The following ANKRD33B variants were observed in gnomAD, a reference collection of about 807,000 sequenced individuals.
The protein encoded by ANKRD33B is ankyrin repeat domain-containing protein 33B.
ANKRD33B carries 6 observed loss-of-function variants against 21.5 expected under a neutral mutation model. The observed-to-expected ratio is 0.28, with a 90% CI of 0.15 to 0.55. The LOEUF is 0.55. Ranked by LOEUF, ANKRD33B falls within the 20% of genes least tolerant of loss-of-function variation. The probability of loss-of-function intolerance (pLI) is 0.94; values close to 1 mark genes in which losing one functional copy is unlikely to be tolerated. For missense variants in ANKRD33B, 698 were observed against 747.2 expected, an observed-to-expected ratio of 0.93 and a Z score of 0.77; for synonymous variants, 347 against 342.4, an observed-to-expected ratio of 1.01 and a Z score of -0.15.
chr5:10,616,086 A>G (rs959479905), intron 1 of ANKRD33B, among the ~76,000 whole-genome samples: 1 of 152,232 alleles, frequency 6.6e-6, no homozygotes, highest in Non-Finnish European at 1.5e-5. Flanking sequence ...TACCATAGTC[A>G]ACAGTTATTG....
chr5:10,599,655 G>A (rs1337261436), intron 1 of ANKRD33B, among the ~76,000 whole-genome samples: 1 of 152,134 alleles, frequency 6.6e-6, no homozygotes, highest in African/African-American at 2.4e-5. Context: ...ATTATAAAAT[G>A]TATCAGAATT....
intron 1 of ANKRD33B, among the ~76,000 whole-genome samples, chr5:10,600,577 G>A (rs915160655): frequency 5.3e-5 from 8 of 152,184 alleles, no homozygotes; most frequent in African/African-American, 9.7e-5. Flanking sequence ...ATGAATATTT[G>A]GGTTGTTTGC....
In ANKRD33B at chr5:10,599,014, TATAGAGC is replaced by T. The variant is rs1422602471; in HGVS notation, c.367-19316_367-19310del. Among the ~76,000 whole-genome samples, 4 of 152,218 alleles carry T rather than the reference TATAGAGC, an allele frequency of 2.6e-5. No homozygotes were observed. In the East Asian group the frequency reaches 7.7e-4, roughly 29 times the overall value. ...TGTGCAGTCATCCCCCTACTCAAGATATAGAGCATTTCCATCACCATAGTAAGTTTCC... is the reference window on the plus strand; with the variant it reads ...TGTGCAGTCATCCCCCTACTCAAGATATTTCCATCACCATAGTAAGTTTCC... On this transcript the variant is annotated intron_variant, in intron 1 of 3. Transcript: ENST00000296657.
At chr5:10,626,091 G>A (rs558014014) in intron 2 of ANKRD33B, among the ~76,000 whole-genome samples, 6 of 152,306 alleles carry the variant, frequency 3.9e-5, no homozygotes, top group East Asian at 3.9e-4. Flanking sequence ...AGGCAGCCTC[G>A]GCCTAGAACC....
In ANKRD33B at chr5:10,646,693, A is replaced by G. The variant is rs117068841; in HGVS notation, c.638-2573A>G. On this transcript the variant is annotated intron_variant, in intron 3 of 3. Coordinates refer to ENST00000296657, the MANE Select transcript of ANKRD33B (RefSeq NM_001164440.2). The stretch of plus-strand genomic sequence containing the variant: ...TTTAATGTGTCATCTATTTTTTGCA[A>G]TGACACTTTTACTGCCCCCTTTTCA... Among the ~76,000 whole-genome samples, 86 of 152,328 alleles carry G rather than the reference A, an allele frequency of 5.6e-4. No individual in the cohort carries two copies. The East Asian group carries it at 0.013, about 23-fold the overall frequency.
chr5:10,581,504 C>T (rs1332306807), intron 1 of ANKRD33B, among the ~76,000 whole-genome samples: 1 of 152,176 alleles, frequency 6.6e-6, no homozygotes, highest in African/African-American at 2.4e-5. Context: ...TTTTTGGTCT[C>T]CCCTGGATGG....
At chr5:10,602,024 A>G (rs1327253731) in intron 1 of ANKRD33B, among the ~76,000 whole-genome samples, 1 of 152,270 alleles carries the variant, frequency 6.6e-6, no homozygotes, top group African/African-American at 2.4e-5. Flanking sequence ...GGATTTATAT[A>G]TAGCAGAGAC....
In ANKRD33B at chr5:10,636,481, A is replaced by G. The variant is rs548775724; in HGVS notation, c.497-1547A>G. ...AATTTTTTTTAATTAGCTGGGCATG[A>G]TGATGCTCGCCTGTGAGCCCAGCTA... On this transcript the variant is annotated intron_variant, in intron 2 of 3. Transcript: ENST00000296657. Among the ~76,000 whole-genome samples, 191 of 152,172 alleles carry G rather than the reference A, an allele frequency of 1.3e-3. 1 individual carries two copies. Among genetic ancestry groups the G allele is most frequent in the African/African-American group, 4.3e-3 (178 of 41,512 alleles).
At chr5:10,647,181 T>C (rs1217695412) in intron 3 of ANKRD33B, among the ~76,000 whole-genome samples, 1 of 151,984 alleles carries the variant, frequency 6.6e-6, no homozygotes. Context: ...CTCGGCTCAC[T>C]GCAACCTCTG....
At chr5:10,617,328 G>C (rs114177422) in intron 1 of ANKRD33B, among the ~76,000 whole-genome samples, 138 of 152,262 alleles carry the variant, frequency 9.1e-4, no homozygotes, top group African/African-American at 3.0e-3. Flanking sequence ...TGAAGTCTGC[G>C]TGCCATCTGT....
Position 10,619,753 on chromosome 5 carries a change from T to C in ANKRD33B, c.496+1291T>C, listed in dbSNP as rs1486812592. ...GTAAGGCATTCAGTGATTCGTTTCCTCTCGTGGGCCAGCTGCCATGTCAGG... is the reference window on the plus strand; with the variant it reads ...GTAAGGCATTCAGTGATTCGTTTCCCCTCGTGGGCCAGCTGCCATGTCAGG... On this transcript the variant is annotated intron_variant, in intron 2 of 3. Transcript: ENST00000296657. This position sits in a 1 kb window ranked among gnomAD's most constrained non-coding sequence, Gnocchi z 4.5. Among the ~76,000 whole-genome samples the C allele has an allele frequency of 6.6e-6, 1 of 152,162 alleles. No individual in the cohort carries two copies. The highest frequency in any genetic ancestry group is 1.5e-5 in the Non-Finnish European group (1 of 68,034).
intron 3 of ANKRD33B, among the ~76,000 whole-genome samples, chr5:10,648,700 G>C (rs1424028380): frequency 1.3e-5 from 2 of 151,934 alleles, no homozygotes; most frequent in Non-Finnish European, 2.9e-5. Context: ...CAGAGGTTGC[G>C]GTGAACGGAG....
chr5:10,575,638 A>T (rs1387449085), intron 1 of ANKRD33B, among the ~76,000 whole-genome samples: 1 of 152,124 alleles, frequency 6.6e-6, no homozygotes, highest in Non-Finnish European at 1.5e-5. Flanking sequence ...TCTGCTGCAC[A>T]TTCAAGCACT....
intron 1 of ANKRD33B, among the ~76,000 whole-genome samples, chr5:10,565,981 CTG>C (rs1259520959): frequency 1.3e-5 from 2 of 152,192 alleles, no homozygotes; most frequent in South Asian, 2.1e-4. Context: ...TTTGCCCTGA[CTG>C]TGGTTTGGGC....
intron 3 of ANKRD33B, among the ~76,000 whole-genome samples, chr5:10,647,057 C>T (rs1403443896): frequency 2.6e-5 from 4 of 152,192 alleles, no homozygotes; most frequent in Non-Finnish European, 5.9e-5. Context: ...CCTAGTTCTC[C>T]ATGTTGCTTT....
chr5:10,592,495 C>T lies in ANKRD33B; in HGVS notation c.367-25838C>T, dbSNP rs565550456. Among the ~76,000 whole-genome samples, 723 of 144,446 alleles carry T rather than the reference C, an allele frequency of 5.0e-3. 7 individuals are homozygous for T. Among genetic ancestry groups the T allele is most frequent in the African/African-American group, 0.018 (698 of 39,116 alleles). 94.8% of individuals were successfully genotyped at this position (144,446 alleles called of 152,430 possible). The stretch of plus-strand genomic sequence containing the variant: ...AAAAAAAATTAGGTGGACGTGGTGG[C>T]GGCTGTAATCCCAGCTACTTGGAAG... On this transcript the variant is annotated intron_variant, in intron 1 of 3. Coordinates refer to ENST00000296657, the MANE Select transcript of ANKRD33B (RefSeq NM_001164440.2).
intron 1 of ANKRD33B, among the ~76,000 whole-genome samples, chr5:10,571,714 T>G (rs1336683627): frequency 6.6e-6 from 1 of 151,830 alleles, no homozygotes; most frequent in Non-Finnish European, 1.5e-5. Flanking sequence ...TTGAAAAAAA[T>G]GTGAGTCCAG....
intron 1 of ANKRD33B, among the ~76,000 whole-genome samples, chr5:10,575,925 T>C (rs1735312299): frequency 6.6e-6 from 1 of 151,960 alleles, no homozygotes; most frequent in Non-Finnish European, 1.5e-5. Context: ...TGTGCCTTGA[T>C]GGTGGTGGTT....
intron 1 of ANKRD33B, among the ~76,000 whole-genome samples, chr5:10,613,888 G>A (rs1283128859): frequency 7.0e-6 from 1 of 143,088 alleles, no homozygotes; most frequent in African/African-American, 2.7e-5. Flanking sequence ...GACAGAGAGA[G>A]ACTCCATCTC....
Sources: gnomAD v4.1 joint callset for allele counts (sites outside exome capture counted in the v4.1 genomes callset) on GRCh38, gnomAD v4.1.1 for gene constraint, Gnocchi (gnomAD v3.1) non-coding constraint, MANE v1.5 for transcripts, NCBI Gene and HGNC (gene_info 2026-07-23, HGNC 2026-07-21) for gene names.